The following PRKX variants were observed in gnomAD, a reference collection of about 807,000 sequenced individuals.
The protein encoded by PRKX is protein kinase cAMP-dependent X-linked catalytic subunit, also known as cAMP-dependent protein kinase catalytic subunit PRKX.
A neutral mutation model predicts 22.0 loss-of-function variants in PRKX; 12 were observed. The ratio of observed to expected loss-of-function variants is 0.54; its 90% CI spans 0.35 to 0.88. PRKX has a LOEUF of 0.88. Among genes scored for constraint, PRKX ranks in the 40% least tolerant of loss-of-function variants. The pLI is 0.01. For missense variants in PRKX, 217 were observed against 308.0 expected (o/e 0.70, Z 2.21); for synonymous variants, 134 against 137.7 (o/e 0.97, Z 0.19).
chrX:3,668,612 T>C (rs1336374925), intron 2 of PRKX, among the ~76,000 whole-genome samples: 1 of 112,021 alleles, frequency 8.9e-6, no homozygotes. Context: ...CGAGCGGTCA[T>C]CCAGGAACTA....
chrX:3,629,280 C>T (rs1890134612), intron 4 of PRKX, among the ~76,000 whole-genome samples: 1 of 109,987 alleles, frequency 9.1e-6, no homozygotes, highest in Non-Finnish European at 1.9e-5. Context: ...TGCTCTGTTG[C>T]CCCCAGGCTG....
chrX:3,680,921 G>C (rs1783474842), intron 1 of PRKX, among the ~76,000 whole-genome samples: 1 of 110,732 alleles, frequency 9.0e-6, no homozygotes, highest in Non-Finnish European at 1.9e-5. Flanking sequence ...CCTATTAAAA[G>C]AAATTAGCCA....
chrX:3,624,597 ATATAAT>A (rs1191059231), intron 5 of PRKX, among the ~76,000 whole-genome samples: 3 of 109,852 alleles, frequency 2.7e-5, no homozygotes, highest in Non-Finnish European at 5.7e-5. Flanking sequence ...CCATATATAT[ATATAAT>A]TATATCTTTT....
chrX:3,610,125 G>GA (rs988927474), intron 8 of PRKX, among the ~76,000 whole-genome samples: 3 of 112,133 alleles, frequency 2.7e-5, no homozygotes, highest in Non-Finnish European at 3.8e-5. Flanking sequence ...GCTCGTTGCT[G>GA]AAAATGCCAG....
At chrX:3,633,166 T>C (rs1446686869) in intron 4 of PRKX, among the ~76,000 whole-genome samples, 2 of 108,541 alleles carry the variant, frequency 1.8e-5, no homozygotes, top group Non-Finnish European at 3.8e-5. Context: ...GGCAGGAGGA[T>C]CGCTTGAGCC....
At chrX:3,639,053 A>C (rs1169459095) in intron 4 of PRKX, among the ~76,000 whole-genome samples, 1 of 67,451 alleles carries the variant, frequency 1.5e-5, no homozygotes, top group East Asian at 4.9e-4. Context: ...ATAAACAGAT[A>C]CATACATACT....
chrX:3,710,868 G>A (rs910380697), intron 1 of PRKX, among the ~76,000 whole-genome samples: 1 of 111,213 alleles, frequency 9.0e-6, no homozygotes, highest in African/African-American at 3.3e-5. Flanking sequence ...GATGAAGAGA[G>A]GTCACACCCA....
At chrX:3,711,344 C>T (rs1670968918) in intron 1 of PRKX, among the ~76,000 whole-genome samples, 1 of 111,276 alleles carries the variant, frequency 9.0e-6, no homozygotes, top group Non-Finnish European at 1.9e-5. Flanking sequence ...GCCCAGCCAG[C>T]TTGGTCCCCA....
rs1430733685 is a variant in PRKX at position 3,607,177 on chromosome X, T to C, written c.*1792A>G. The C allele has an allele frequency of 2.7e-5, 3 of 112,329 alleles. No individual in the cohort carries two copies. The highest frequency in any genetic ancestry group is 9.7e-5 in the African/African-American group (3 of 30,885). 9.3% of individuals were successfully genotyped at this position (112,329 alleles called of 1,213,427 possible). ...TGTTCAATATTATTACTATGATTTA[T>C]TTTTATAGTCAGCAAACATGAGACT... On this transcript the variant is annotated 3_prime_UTR_variant, in exon 9 of 9. Transcript: ENST00000262848.
At chrX:3,632,135 G>A (rs1017168475) in intron 4 of PRKX, among the ~76,000 whole-genome samples, 24 of 112,063 alleles carry the variant, frequency 2.1e-4, no homozygotes, top group Admixed American at 8.5e-4. Context: ...AGGTGCGTGC[G>A]ACGTGGCCCT....
intron 1 of PRKX, among the ~76,000 whole-genome samples, chrX:3,690,411 G>C (rs1216644759): frequency 8.9e-6 from 1 of 112,577 alleles, no homozygotes; most frequent in Non-Finnish European, 1.9e-5. Flanking sequence ...CCGATGTACA[G>C]TGTATTAAAT....
intron 1 of PRKX, among the ~76,000 whole-genome samples, chrX:3,676,973 G>A (rs1927970149): frequency 8.9e-6 from 1 of 112,015 alleles, no homozygotes; most frequent in Non-Finnish European, 1.9e-5. Flanking sequence ...GTGGAACTGT[G>A]AGTCCATTAA....
intron 2 of PRKX, among the ~76,000 whole-genome samples, chrX:3,663,630 T>TAAAAAA (rs780899033): frequency 1.5e-5 from 1 of 66,224 alleles, no homozygotes. Flanking sequence ...CCACATCTCT[T>TAAAAAA]AAAAAAAAAA....
At chrX:3,654,375 T>C (rs1445863464) in intron 3 of PRKX, among the ~76,000 whole-genome samples, 2 of 102,455 alleles carry the variant, frequency 2.0e-5, no homozygotes, top group African/African-American at 3.5e-5. Flanking sequence ...TGGAAATATA[T>C]ATATACATAA....
rs369545300 is a variant in PRKX at position 3,632,721 on chromosome X, G to A, written c.720-6207C>T. Among the ~76,000 whole-genome samples the A allele has an allele frequency of 2.1e-4, 23 of 111,955 alleles. No homozygotes were observed. The East Asian group carries it at 5.6e-3, about 27-fold the overall frequency. ...TCTGAGAAACAGCACTCCCCCGGAC[G>A]CCTGGGCAGTGCCCTCTGAAACCCT... On this transcript the variant is annotated intron_variant, in intron 4 of 8. Coordinates refer to ENST00000262848, the MANE Select transcript of PRKX (RefSeq NM_005044.5).
intron 1 of PRKX, among the ~76,000 whole-genome samples, chrX:3,711,630 T>C (rs1244471744): frequency 8.1e-5 from 9 of 111,774 alleles, no homozygotes; most frequent in African/African-American, 2.9e-4. Flanking sequence ...TTCCACCTAC[T>C]GTGGCGGCTG....
chrX:3,635,381 T>C, intron 4 of PRKX, among the ~76,000 whole-genome samples: 1 of 111,202 alleles, frequency 9.0e-6, no homozygotes, highest in Admixed American at 9.6e-5. Context: ...ATGAAGAAAA[T>C]TCATCACTAT....
chrX:3,683,952 C>CA (rs1211905472), intron 1 of PRKX, among the ~76,000 whole-genome samples: 48 of 110,339 alleles, frequency 4.4e-4, no homozygotes, highest in African/African-American at 1.5e-3. Flanking sequence ...CATTTTCATC[C>CA]AAAAAAAACA....
rs1277821960 is a variant in PRKX at position 3,607,968 on chromosome X, C to T, written c.*1001G>A. 9.7e-6 allele frequency: 1 copy of T among 102,823 alleles called. No homozygotes were observed. The highest frequency in any genetic ancestry group is 2.0e-5 in the Non-Finnish European group (1 of 50,606). The allele number at this position is 102,823 out of a possible 1,213,427, so 8.5% of individuals were successfully genotyped here. On this transcript the variant is annotated 3_prime_UTR_variant, in exon 9 of 9. Coordinates refer to ENST00000262848, the MANE Select transcript of PRKX (RefSeq NM_005044.5). Reference sequence around the variant, plus strand: ...TGATCTCGGATCACTGCGGCCTGGACCTCCCCAGGCTCAAGTGATCCTCTC... The same window carrying T: ...TGATCTCGGATCACTGCGGCCTGGATCTCCCCAGGCTCAAGTGATCCTCTC...
Sources: allele counts gnomAD v4.1 joint callset (sites outside exome capture counted in the v4.1 genomes callset), GRCh38; gene constraint gnomAD v4.1.1; transcripts MANE v1.5; gene names NCBI Gene and HGNC (gene_info 2026-07-23, HGNC 2026-07-21).